HMCN2: variants seen among roughly 807,000 people sequenced by gnomAD.
HMCN2 encodes hemicentin-2.
HMCN2 carries 325 observed loss-of-function variants against 377.5 expected under a neutral mutation model. That is an observed-to-expected ratio of 0.86 (90% CI 0.79 to 0.94). The LOEUF (loss-of-function observed/expected upper bound fraction) is 0.94. HMCN2 is among the 40% of genes least tolerant of loss of function. HMCN2 has a pLI of 0.00. For synonymous variants in HMCN2, 2,007 were observed against 2,046.8 expected (o/e 0.98, Z 0.53); for missense variants, 4,543 against 4,725.3 (o/e 0.96, Z 1.13).
At position 130,310,046 on chromosome 9, in the gene HMCN2, C is replaced by A. The variant is rs1837149234; in HGVS notation, c.2335C>A (p.Gln779Lys). 1 of 532,934 alleles carries A rather than the reference C, an allele frequency of 1.9e-6. No homozygotes were observed. The highest frequency in any genetic ancestry group is 1.9e-5 in the African/African-American group (1 of 51,918). 33.0% of individuals were successfully genotyped at this position (532,934 alleles called of 1,614,324 possible). A position where few individuals can be genotyped will look rare whatever the true frequency, so the allele number is the denominator to read the frequency against. The change falls in exon 15 of 98, where the codon CAG (glutamine) becomes AAG (lysine). Residue 779 changes from glutamine to lysine, a missense_variant. Physicochemically the swap from Gln to Lys is moderately conservative, Grantham distance 53. Transcript: ENST00000683500. ...NELGDASAEI[Q>K]LAVGHAPQLT... ...GTTGGGTGACGCCTCTGCAGAAATCCAGCTGGCGGTTGGACGTGAGTGTAT... is the reference window on the plus strand; with the variant it reads ...GTTGGGTGACGCCTCTGCAGAAATCAAGCTGGCGGTTGGACGTGAGTGTAT...
chr9:130,266,595 C>T (rs1834112839), intron 1 of HMCN2, among the ~76,000 whole-genome samples: 1 of 152,224 alleles, frequency 6.6e-6, no homozygotes. Flanking sequence ...CGGAATGGCT[C>T]CCAGAGGCAG....
rs538236079 is a variant in HMCN2, at chr9:130,296,810, C to A, written c.1012+16C>A. On this transcript the variant is annotated intron_variant, in intron 7 of 97. Coordinates refer to ENST00000683500, the MANE Select transcript of HMCN2 (RefSeq NM_001291815.2). ...CCCTTGCAAGGTACAGTACCCCGACCCTACAGACAGTGCTGAGCTGCCTCT... is the reference window on the plus strand; with the variant it reads ...CCCTTGCAAGGTACAGTACCCCGACACTACAGACAGTGCTGAGCTGCCTCT... 2.1e-6 allele frequency: 1 copy of A among 471,046 alleles called. No individual in the cohort carries two copies. The highest frequency in any genetic ancestry group is 2.0e-5 in the African/African-American group (1 of 50,156). The allele number at this position is 471,046 out of a possible 1,614,324, so 29.2% of individuals were successfully genotyped here.
rs1839928994 is a variant in HMCN2 at position 130,354,743 on chromosome 9, G to GC, written c.4865-15dup. On this transcript the variant is annotated intron_variant, in intron 31 of 97. Transcript: ENST00000683500. ...AGCGTCCAGCTGTGGTCCCCAAGCC[G>GC]CCCCCTGCCTCTTTTCCAGTCCCAC... 7.9e-7 allele frequency: 1 copy of GC among 1,271,282 alleles called. No individual in the cohort carries two copies. The highest frequency in any genetic ancestry group is 1.0e-6 in the Non-Finnish European group (1 of 972,478). The allele number at this position is 1,271,282 out of a possible 1,614,324, so 78.8% of individuals were successfully genotyped here.
Position 130,295,655 on chromosome 9 carries a change from G to A in HMCN2, c.785-11G>A, listed in dbSNP as rs1836090167. 8.5e-6 allele frequency: 4 copies of A among 470,416 alleles called. No homozygotes were observed. Among genetic ancestry groups the A allele is most frequent in the South Asian group, 6.2e-5 (4 of 64,482 alleles). 29.1% of individuals were successfully genotyped at this position (470,416 alleles called of 1,614,324 possible). On this transcript the variant is annotated splice_polypyrimidine_tract_variant and intron_variant, in intron 5 of 97. Coordinates refer to ENST00000683500, the MANE Select transcript of HMCN2 (RefSeq NM_001291815.2). ...GGGTTAGGGACTGAGCAGCCCTTGG[G>A]GCTTCCACAGGGAGGATCCTGCAGG...
In HMCN2 at chr9:130,268,595, T is replaced by C. The variant is rs371736586; in HGVS notation, c.259+2458T>C. On this transcript the variant is annotated intron_variant, in intron 1 of 97. Transcript: ENST00000683500. ...AGGGGGCTAAGGAAAGACCCCCCCC[T>C]GAGGAAGCAGCCTGTGAGTAGGGCC... Among the ~76,000 whole-genome samples the C allele has an allele frequency of 6.4e-3, 955 of 149,322 alleles. 19 individuals are homozygous for C. The highest frequency in any genetic ancestry group is 0.021 in the African/African-American group (885 of 41,314).
In HMCN2 at chr9:130,355,805, C is replaced by T. The variant is rs1839993639; in HGVS notation, c.5206C>T (p.Pro1736Ser). ...LGQVTTIVGQ[P>S]LELPCQASGS... ...ACAGGTGACCACCATCGTGGGACAG[C>T]CCCTGGAACTTCCCTGCCAGGCCTC... Residue 1736 changes from proline to serine, a missense_variant, in exon 33 of 98, where the codon CCC (proline) becomes TCC (serine). Coordinates refer to ENST00000683500, the MANE Select transcript of HMCN2 (RefSeq NM_001291815.2). The T allele has an allele frequency of 7.7e-7, 1 of 1,303,914 alleles. No individual in the cohort carries two copies. The highest frequency in any genetic ancestry group is 1.0e-6 in the Non-Finnish European group (1 of 988,948). The allele number at this position is 1,303,914 out of a possible 1,614,324, so 80.8% of individuals were successfully genotyped here.
intron 84 of HMCN2, among the ~76,000 whole-genome samples, chr9:130,409,999 C>T (rs1417582385): frequency 2.6e-5 from 4 of 152,208 alleles, no homozygotes; most frequent in Non-Finnish European, 4.4e-5. Flanking sequence ...CCATGGGTCA[C>T]CTGTTAGGGA....
Position 130,285,971 on chromosome 9 carries a change from C to T in HMCN2, c.490-217C>T, listed in dbSNP as rs781925309. ...TATGGAGCACCTACTGTTTTCCTGGCCCTGTGCTGAGCATTTGTCCTGCAT... is the reference window on the plus strand; with the variant it reads ...TATGGAGCACCTACTGTTTTCCTGGTCCTGTGCTGAGCATTTGTCCTGCAT... On this transcript the variant is annotated intron_variant, in intron 3 of 97. Coordinates refer to ENST00000683500, the MANE Select transcript of HMCN2 (RefSeq NM_001291815.2). Among the ~76,000 whole-genome samples the T allele has an allele frequency of 3.3e-5, 5 of 152,194 alleles. 1 individual carries two copies. Among genetic ancestry groups the T allele is most frequent in the South Asian group, 4.1e-4 (2 of 4,822 alleles).
rs1836662723 is a variant in HMCN2 at position 130,303,715 on chromosome 9, C to T, written c.1543+107C>T. The T allele has an allele frequency of 9.6e-6, 2 of 207,888 alleles. No individual in the cohort carries two copies. Among genetic ancestry groups the T allele is most frequent in the South Asian group, 1.1e-4 (2 of 17,700 alleles). The allele number at this position is 207,888 out of a possible 1,614,324, so 12.9% of individuals were successfully genotyped here. Reference sequence around the variant, plus strand: ...TCTCCAGCCAGCTGCTGGGACAATTCGTCATGCCGGGTCTGGCTGCCCAGG... The same window carrying T: ...TCTCCAGCCAGCTGCTGGGACAATTTGTCATGCCGGGTCTGGCTGCCCAGG... On this transcript the variant is annotated intron_variant, in intron 10 of 97. Coordinates refer to ENST00000683500, the MANE Select transcript of HMCN2 (RefSeq NM_001291815.2). The surrounding 1 kb of genome is among the most constrained non-coding windows in gnomAD (Gnocchi z 5.2).
At position 130,392,951 on chromosome 9, in the gene HMCN2, G is replaced by C. The variant is rs369364273; in HGVS notation, c.10137-261G>C. Among the ~76,000 whole-genome samples the C allele has an allele frequency of 2.1e-3, 315 of 151,900 alleles. 12 individuals are homozygous for C. The East Asian group carries it at 0.051, about 25-fold the overall frequency. On this transcript the variant is annotated intron_variant, in intron 66 of 97. Transcript: ENST00000683500. ...GCGGAGCTTGCAGTGAGCCGAGATC[G>C]TGCCACTGCACTCCAGCCTGGGTGA...
chr9:130,395,810 G>A lies in HMCN2; in HGVS notation c.10912-114G>A, dbSNP rs970526511. On this transcript the variant is annotated intron_variant, in intron 71 of 97. Transcript: ENST00000683500. ...GTCAGGGCCTGCGGTCAGCCTGGAA[G>A]TACAGAGCCACTGTCCAGCTTCACC... 3 of 1,118,546 alleles carry A rather than the reference G, an allele frequency of 2.7e-6. No individual in the cohort carries two copies. In the African/African-American group the frequency reaches 4.9e-5, roughly 18 times the overall value. 69.3% of individuals were successfully genotyped at this position (1,118,546 alleles called of 1,614,324 possible). A position where few individuals can be genotyped will look rare whatever the true frequency, so the allele number is the denominator to read the frequency against.
At chr9:130,281,897 A>C (rs1370970443) in intron 1 of HMCN2, among the ~76,000 whole-genome samples, 1 of 151,944 alleles carries the variant, frequency 6.6e-6, no homozygotes, top group Non-Finnish European at 1.5e-5. Context: ...CTCAAAAAAA[A>C]AAAAAAAAAA....
At chr9:130,430,656 G>T in intron 95 of HMCN2, 52 bp downstream of exon 95, 1 of 1,479,012 alleles carries the variant, frequency 6.8e-7, no homozygotes, top group Non-Finnish European at 9.1e-7. Context: ...GGGCTCTTGG[G>T]CCCCTAGGGT....
chr9:130,430,278 C>G lies in HMCN2; in HGVS notation c.14327-6C>G. On this transcript the variant is annotated splice_polypyrimidine_tract_variant and splice_region_variant and intron_variant, in intron 94 of 97. Transcript: ENST00000683500. ...TGTGCACACACCTGACCCCACCCGTCTGCAGATGTCAATGAGTGCCTGCAG... is the reference window on the plus strand; with the variant it reads ...TGTGCACACACCTGACCCCACCCGTGTGCAGATGTCAATGAGTGCCTGCAG... 2 of 1,533,066 alleles carry G rather than the reference C, an allele frequency of 1.3e-6. No homozygotes were observed. The highest frequency in any genetic ancestry group is 1.7e-6 in the Non-Finnish European group (2 of 1,143,288). The allele number at this position is 1,533,066 out of a possible 1,614,324, so 95.0% of individuals were successfully genotyped here.
At position 130,370,334 on chromosome 9, in the gene HMCN2, GC is replaced by G. The variant is rs57649140; in HGVS notation, c.7069+484del. On this transcript the variant is annotated intron_variant, in intron 45 of 97. Transcript: ENST00000683500. ...GGAAGCACGTGCCAGGCAGAGGGTG[GC>G]TGGGGCAGCCTCATGCATTCCATCA... is the stretch of plus-strand genomic sequence containing the variant. Among the ~76,000 whole-genome samples the G allele has an allele frequency of 2.5e-3, 383 of 152,298 alleles. 1 individual carries two copies. Among genetic ancestry groups the G allele is most frequent in the Admixed American group, 6.6e-3 (101 of 15,292 alleles).
At chr9:130,293,279 G>GGTTTTTTTTTTTTTTTTT (rs1835901264) in intron 4 of HMCN2, among the ~76,000 whole-genome samples, 1 of 57,126 alleles carries the variant, frequency 1.8e-5, no homozygotes, top group Admixed American at 2.6e-4. Flanking sequence ...ACTCACTAAA[G>GGTTTTTTTTTTTTTTTTT]TTTTTTTTTT....
rs1336687465 is a variant in HMCN2 at position 130,306,028 on chromosome 9, C to T, written c.1817-101C>T. Reference sequence around the variant, plus strand: ...GGGTCTTTGCTTTCTCTGTCTTGCCCATCTGTGACTATGGGAGGGGAAGAG... The same window carrying T: ...GGGTCTTTGCTTTCTCTGTCTTGCCTATCTGTGACTATGGGAGGGGAAGAG... On this transcript the variant is annotated intron_variant, in intron 11 of 97. Coordinates refer to ENST00000683500, the MANE Select transcript of HMCN2 (RefSeq NM_001291815.2). 4 of 426,012 alleles carry T rather than the reference C, an allele frequency of 9.4e-6. No homozygotes were observed. In the East Asian group the frequency reaches 2.2e-4, roughly 23 times the overall value. The allele number at this position is 426,012 out of a possible 1,614,324, so 26.4% of individuals were successfully genotyped here.
Position 130,406,057 on chromosome 9 carries a change from C to T in HMCN2, c.12442C>T (p.Leu4148=). 2.3e-6 allele frequency: 3 copies of T among 1,289,892 alleles called. No individual in the cohort carries two copies. Among genetic ancestry groups the T allele is most frequent in the Non-Finnish European group, 3.0e-6 (3 of 988,888 alleles). The allele number at this position is 1,289,892 out of a possible 1,614,324, so 79.9% of individuals were successfully genotyped here. Residue 4148 remains leucine (L), a synonymous_variant, in exon 82 of 98, where the codon CTG becomes TTG. Transcript: ENST00000683500. ...TILVLPVFTT[L]PGDRSLRLGD... ...CCTGGTACTGCCTGTGTTCACCACCCTGCCTGGGGACCGCAGCCTGCGCCT... is the reference window on the plus strand; with the variant it reads ...CCTGGTACTGCCTGTGTTCACCACCTTGCCTGGGGACCGCAGCCTGCGCCT...
chr9:130,408,668 C>A, intron 83 of HMCN2, 75 bp from the exon 84 acceptor site: 1 of 1,125,422 alleles, frequency 8.9e-7, no homozygotes, highest in East Asian at 5.9e-5. Context: ...GTTGGGCAGT[C>A]CTTTGGGGTT....
Sources: gnomAD v4.1 joint callset for allele counts (sites outside exome capture counted in the v4.1 genomes callset) on GRCh38, gnomAD v4.1.1 for gene constraint, Gnocchi (gnomAD v3.1) non-coding constraint, MANE v1.5 for transcripts, NCBI Gene and HGNC (gene_info 2026-07-23, HGNC 2026-07-21) for gene names.